The following XRCC4 variants were observed in gnomAD, a reference collection of about 807,000 sequenced individuals.
XRCC4 encodes DNA repair protein XRCC4.
In XRCC4, 28 loss-of-function variants were observed where a neutral mutation model predicts 39.1. That is an observed-to-expected ratio of 0.72 (90% CI 0.53 to 0.98). The LOEUF (loss-of-function observed/expected upper bound fraction) is 0.98, where lower values mean the gene tolerates loss of function less well. XRCC4 is among the 50% of genes least tolerant of loss of function. The probability of loss-of-function intolerance (pLI) is 0.00; values close to 1 mark genes in which losing one functional copy is unlikely to be tolerated. For synonymous variants in XRCC4, 123 were observed against 126.4 expected (o/e 0.97, Z 0.18); for missense variants, 350 against 376.4 (o/e 0.93, Z 0.58).
intron 7 of XRCC4, among the ~76,000 whole-genome samples, chr5:83,305,088 T>G (rs577677810): frequency 2.0e-5 from 3 of 152,284 alleles, no homozygotes; most frequent in African/African-American, 7.2e-5. Flanking sequence ...ATCGGCATTT[T>G]CAAATTTTTT....
At chr5:83,217,905 G>C (rs1301106382) in intron 6 of XRCC4, among the ~76,000 whole-genome samples, 1 of 152,056 alleles carries the variant, frequency 6.6e-6, no homozygotes, top group East Asian at 1.9e-4. Flanking sequence ...TTTGCTCCAA[G>C]TATCTGTGAC....
the XRCC4 span, among the ~76,000 whole-genome samples, chr5:83,360,741 C>A: frequency 2.8e-4 from 43 of 152,022 alleles, no homozygotes; most frequent in African/African-American, 1.0e-3. Flanking sequence ...GCCACGCCCA[C>A]TCCCCTGAAA....
chr5:83,351,660 A>C (rs184401396), intron 7 of XRCC4, among the ~76,000 whole-genome samples: 16 of 152,180 alleles, frequency 1.1e-4, no homozygotes, highest in African/African-American at 3.4e-4. Context: ...CAAATCCCAG[A>C]GGGTAGTACT....
rs566994037 is a variant in XRCC4 at position 83,118,503 on chromosome 5, A to G, written c.315+7300A>G. Among the ~76,000 whole-genome samples, 4 of 152,278 alleles carry G rather than the reference A, an allele frequency of 2.6e-5. No individual in the cohort carries two copies. In the South Asian group the frequency reaches 8.3e-4, roughly 32 times the overall value. ...ATTTTTAACAGGTAGTTTTTATTTC[A>G]TAGTCCAAGATGACTTGTCTAGTTT... On this transcript the variant is annotated intron_variant, in intron 3 of 7. Transcript: ENST00000396027.
chr5:83,277,332 C>T (rs1246760596), intron 7 of XRCC4, among the ~76,000 whole-genome samples: 1 of 152,172 alleles, frequency 6.6e-6, no homozygotes, highest in Non-Finnish European at 1.5e-5. Context: ...TTAAAAGTGA[C>T]ATGTGTAACT....
At chr5:83,198,388 G>A (rs191592046) in intron 4 of XRCC4, among the ~76,000 whole-genome samples, 1 of 152,176 alleles carries the variant, frequency 6.6e-6, no homozygotes, top group East Asian at 1.9e-4. Context: ...GATATTATAT[G>A]AGAATAAAAT....
chr5:83,080,706 A>G (rs900066647), intron 1 of XRCC4, among the ~76,000 whole-genome samples: 1 of 152,032 alleles, frequency 6.6e-6, no homozygotes, highest in South Asian at 2.1e-4. Context: ...TATCAGATTG[A>G]TGGAGGTGGT....
chr5:83,359,306 A>G, the XRCC4 span, among the ~76,000 whole-genome samples: 1 of 152,142 alleles, frequency 6.6e-6, no homozygotes, highest in Non-Finnish European at 1.5e-5. Context: ...GAAGAGCCCA[A>G]TACAGTACCC....
At chr5:83,265,406 G>C (rs946581854) in intron 7 of XRCC4, among the ~76,000 whole-genome samples, 10 of 152,098 alleles carry the variant, frequency 6.6e-5, no homozygotes, top group African/African-American at 2.4e-4. Flanking sequence ...AACGAGATAG[G>C]TTTTTATTAG....
intron 6 of XRCC4, among the ~76,000 whole-genome samples, chr5:83,252,067 A>G (rs1247462384): frequency 1.3e-5 from 2 of 152,192 alleles, no homozygotes; most frequent in Non-Finnish European, 2.9e-5. Context: ...GATACTGCCT[A>G]TTGAAGTATG....
At position 83,347,145 on chromosome 5, in the gene XRCC4, T is replaced by G. The variant is rs1412849921; in HGVS notation, c.894-5986T>G. On this transcript the variant is annotated intron_variant, in intron 7 of 7. Coordinates refer to ENST00000396027, the MANE Select transcript of XRCC4 (RefSeq NM_003401.5). ...AATCAATGATGAATGTAGATCTAAA[T>G]TTTTCAACATGAAAATACATCTCTA... Among the ~76,000 whole-genome samples the G allele has an allele frequency of 2.6e-5, 4 of 152,248 alleles. No individual in the cohort carries two copies. The East Asian group carries it at 7.7e-4, about 29-fold the overall frequency.
At chr5:83,158,263 G>A (rs1749052272) in intron 3 of XRCC4, among the ~76,000 whole-genome samples, 1 of 151,976 alleles carries the variant, frequency 6.6e-6, no homozygotes, top group Non-Finnish European at 1.5e-5. Flanking sequence ...TGGATTAGAT[G>A]ATCTAATAGT....
chr5:83,346,976 T>G (rs1166255405), intron 7 of XRCC4, among the ~76,000 whole-genome samples: 1 of 152,208 alleles, frequency 6.6e-6, no homozygotes, highest in Admixed American at 6.5e-5. Context: ...GCGTGATTTC[T>G]TGGAGAAGGC....
chr5:83,309,544 G>A (rs1755629347), intron 7 of XRCC4, among the ~76,000 whole-genome samples: 1 of 150,702 alleles, frequency 6.6e-6, no homozygotes, highest in East Asian at 2.0e-4. Context: ...GGTGGATCAC[G>A]AGGTCAGGAG....
chr5:83,083,182 T>C (rs1745031806), intron 1 of XRCC4, among the ~76,000 whole-genome samples: 1 of 152,144 alleles, frequency 6.6e-6, no homozygotes, highest in African/African-American at 2.4e-5. Flanking sequence ...CATTATTCTA[T>C]ATATGTATTA....
At chr5:83,159,275 T>C (rs1749097043) in intron 3 of XRCC4, among the ~76,000 whole-genome samples, 1 of 152,196 alleles carries the variant, frequency 6.6e-6, no homozygotes, top group Non-Finnish European at 1.5e-5. Context: ...CAGTAATTCC[T>C]TTCTTTAGGG....
At chr5:83,346,564 C>G (rs1484730944) in intron 7 of XRCC4, among the ~76,000 whole-genome samples, 1 of 151,944 alleles carries the variant, frequency 6.6e-6, no homozygotes, top group Non-Finnish European at 1.5e-5. Flanking sequence ...TAAAAAGACA[C>G]ACTTGAAAAC....
At chr5:83,329,121 C>G (rs1756358799) in intron 7 of XRCC4, among the ~76,000 whole-genome samples, 1 of 151,972 alleles carries the variant, frequency 6.6e-6, no homozygotes, top group African/African-American at 2.4e-5. Flanking sequence ...CCCCTCCTCA[C>G]ACCTACATGA....
At chr5:83,206,110 T>G (rs116310185) in intron 6 of XRCC4, among the ~76,000 whole-genome samples, 1 of 152,120 alleles carries the variant, frequency 6.6e-6, no homozygotes, top group African/African-American at 2.4e-5. Flanking sequence ...CCTGTTACTT[T>G]GAATTAACTT....
Sources: allele counts gnomAD v4.1 joint callset (sites outside exome capture counted in the v4.1 genomes callset), GRCh38; gene constraint gnomAD v4.1.1; transcripts MANE v1.5; gene names NCBI Gene and HGNC (gene_info 2026-07-23, HGNC 2026-07-21).